FAT3: variants seen among roughly 807,000 people sequenced by gnomAD.
FAT3 encodes the protein protocadherin Fat 3.
Under a neutral mutation model 310.2 loss-of-function variants are expected in FAT3, and 95 were observed. The observed-to-expected ratio is 0.31, with a 90% CI of 0.26 to 0.36. The LOEUF is 0.36. FAT3 is among the 10% of genes least tolerant of loss of function. The pLI, the probability that FAT3 is intolerant of heterozygous loss-of-function variation, is 1.00. For synonymous variants in FAT3, 2,314 were observed against 2,192.9 expected (o/e 1.06, Z -1.54); for missense variants, 5,408 against 5,715.6 (o/e 0.95, Z 1.74).
intron 2 of FAT3, among the ~76,000 whole-genome samples, chr11:92,429,206 CT>C (rs946328024): frequency 2.7e-5 from 4 of 150,878 alleles, no homozygotes; most frequent in Non-Finnish European, 4.4e-5. Context: ...GCAACCCTTG[CT>C]TTTTTTTTGC....
rs189995204 is a variant in FAT3, at chr11:92,285,665, T to C, written c.-18+60491T>C. ...AACTTCTAATGTATTCCCTTTATGC[T>C]TAGGAAAAAACAGTTATCTTGGCAG... On this transcript the variant is annotated intron_variant, in intron 1 of 27. Coordinates refer to ENST00000525166, the MANE Select transcript of FAT3 (RefSeq NM_001367949.2). Among the ~76,000 whole-genome samples, 9 of 152,280 alleles carry C rather than the reference T, an allele frequency of 5.9e-5. No homozygotes were observed. In the East Asian group the frequency reaches 1.7e-3, roughly 29 times the overall value.
At chr11:92,806,256 C>A in intron 11 of FAT3, 106 bp from the exon 12 acceptor site, 1 of 1,053,286 alleles carries the variant, frequency 9.5e-7, no homozygotes, top group South Asian at 1.6e-5. Context: ...ATAACAAAAG[C>A]TAAATTATAT....
intron 4 of FAT3, among the ~76,000 whole-genome samples, chr11:92,722,808 CCATG>C: frequency 6.6e-6 from 1 of 152,208 alleles, no homozygotes; most frequent in East Asian, 1.9e-4. Context: ...CCCTCTGAAG[CCATG>C]GCCTGAGCTC....
At chr11:92,391,014 G>A (rs12280565) in intron 2 of FAT3, among the ~76,000 whole-genome samples, 27,493 of 152,070 alleles carry the variant, frequency 0.18, 5,633 homozygotes, top group African/African-American at 0.5. Context: ...GTTGATTTGT[G>A]TGACTTGATA....
chr11:92,551,610 A>C (rs551966479), intron 3 of FAT3, among the ~76,000 whole-genome samples: 1 of 152,068 alleles, frequency 6.6e-6, no homozygotes, highest in Non-Finnish European at 1.5e-5. Context: ...TATTATCTTA[A>C]AACATTCAAA....
At chr11:92,588,853 A>G (rs1022297859) in intron 3 of FAT3, among the ~76,000 whole-genome samples, 11 of 151,652 alleles carry the variant, frequency 7.3e-5, no homozygotes, top group African/African-American at 2.7e-4. Flanking sequence ...TCCCTCCAAC[A>G]GTTTGGGGGA....
At chr11:92,849,092 C>A (rs937772880) in intron 19 of FAT3, among the ~76,000 whole-genome samples, 13 of 152,172 alleles carry the variant, frequency 8.5e-5, no homozygotes, top group Non-Finnish European at 1.6e-4. Flanking sequence ...GAGTAGGTCT[C>A]ATTAACTTTT....
intron 3 of FAT3, among the ~76,000 whole-genome samples, chr11:92,598,023 G>A (rs1003671077): frequency 1.3e-5 from 2 of 151,900 alleles, no homozygotes; most frequent in African/African-American, 4.8e-5. Context: ...AATGTTGCTG[G>A]CTTTTTCTTT....
intron 19 of FAT3, among the ~76,000 whole-genome samples, chr11:92,848,337 T>C (rs1158500947): frequency 6.6e-6 from 1 of 152,138 alleles, no homozygotes; most frequent in Non-Finnish European, 1.5e-5. Context: ...AAAGGTCTGA[T>C]GTTGTGAGGT....
intron 4 of FAT3, among the ~76,000 whole-genome samples, chr11:92,743,372 T>C (rs946592273): frequency 2.0e-5 from 3 of 152,142 alleles, no homozygotes; most frequent in Non-Finnish European, 4.4e-5. Context: ...GAGAATGGCA[T>C]TGGGTGAGGC....
intron 3 of FAT3, among the ~76,000 whole-genome samples, chr11:92,664,027 AAC>A (rs796197457): frequency 1.4e-4 from 21 of 152,060 alleles, no homozygotes; most frequent in African/African-American, 5.1e-4. Context: ...CCCTCCCCCA[AAC>A]ACACACACAC....
At chr11:92,410,045 G>A (rs997506178) in intron 2 of FAT3, among the ~76,000 whole-genome samples, 1 of 152,092 alleles carries the variant, frequency 6.6e-6, no homozygotes, top group African/African-American at 2.4e-5. Context: ...ATGAACAAGG[G>A]TCAAAAATGT....
At chr11:92,748,354 C>T (rs778961077) in intron 4 of FAT3, among the ~76,000 whole-genome samples, 3 of 152,164 alleles carry the variant, frequency 2.0e-5, no homozygotes, top group Non-Finnish European at 4.4e-5. Context: ...CCACCCTTGA[C>T]ATGTGGGGAT....
intron 14 of FAT3, among the ~76,000 whole-genome samples, chr11:92,832,630 G>T (rs899076177): frequency 1.3e-5 from 2 of 152,078 alleles, no homozygotes; most frequent in African/African-American, 4.8e-5. Context: ...GTTTCTCAAT[G>T]GAGAGAGGAA....
At chr11:92,512,807 T>C (rs1953341381) in intron 2 of FAT3, among the ~76,000 whole-genome samples, 1 of 151,748 alleles carries the variant, frequency 6.6e-6, no homozygotes, top group East Asian at 1.9e-4. Context: ...TAAAATGTAT[T>C]TGAAGCATTA....
At chr11:92,745,633 T>C (rs926147465) in intron 4 of FAT3, among the ~76,000 whole-genome samples, 5 of 151,746 alleles carry the variant, frequency 3.3e-5, no homozygotes, top group African/African-American at 1.2e-4. Flanking sequence ...AAATACTTTA[T>C]TTCCTAAAGT....
At chr11:92,328,850 A>T (rs1947833446) in intron 1 of FAT3, among the ~76,000 whole-genome samples, 1 of 152,120 alleles carries the variant, frequency 6.6e-6, no homozygotes. Context: ...AAGTGGGGAT[A>T]TTTTTTAACT....
chr11:92,596,018 CAG>C (rs1179723881), intron 3 of FAT3, among the ~76,000 whole-genome samples: 1 of 152,158 alleles, frequency 6.6e-6, no homozygotes, highest in Non-Finnish European at 1.5e-5. Flanking sequence ...ATTGGAGTGA[CAG>C]AGAGCTAGTT....
intron 2 of FAT3, chr11:92,366,765 C>A: frequency 1.9e-6 from 1 of 532,686 alleles, no homozygotes; most frequent in Non-Finnish European, 3.8e-6. Flanking sequence ...AAGAGTAGAG[C>A]TCTGGTGGTA....
Sources: gnomAD v4.1 joint callset for allele counts (sites outside exome capture counted in the v4.1 genomes callset) on GRCh38, gnomAD v4.1.1 for gene constraint, MANE v1.5 for transcripts, NCBI Gene and HGNC (gene_info 2026-07-23, HGNC 2026-07-21) for gene names.